MYLK: variants seen among roughly 807,000 people sequenced by gnomAD.
MYLK encodes the protein myosin light chain kinase, smooth muscle.
A neutral mutation model predicts 203.4 loss-of-function variants in MYLK; 106 were observed. The observed-to-expected ratio is 0.52, with a 90% CI of 0.45 to 0.61. The LOEUF is 0.61. Among genes scored for constraint, MYLK ranks in the 20% least tolerant of loss-of-function variants. MYLK has a pLI of 0.00. For missense variants in MYLK, 2,072 were observed against 2,442.3 expected (o/e 0.85, Z 3.20); for synonymous variants, 867 against 959.5 (o/e 0.90, Z 1.78).
intron 3 of MYLK, among the ~76,000 whole-genome samples, chr3:123,799,106 A>G (rs2065097935): frequency 6.6e-6 from 1 of 152,148 alleles, no homozygotes; most frequent in African/African-American, 2.4e-5. Context: ...AAACACAGAG[A>G]AGTAAGAAGA....
Position 123,761,508 on chromosome 3 carries a change from G to A in MYLK, c.166-8970C>T, listed in dbSNP as rs117053785. ...CACCTGTATCCATGTGGCCAGGAGA[G>A]CATCTCTTTGACTCTGCTGGAAAAT... On this transcript the variant is annotated intron_variant, in intron 4 of 33. Coordinates refer to ENST00000360304, the MANE Select transcript of MYLK (RefSeq NM_053025.4). Among the ~76,000 whole-genome samples, 139 of 152,292 alleles carry A rather than the reference G, an allele frequency of 9.1e-4. No individual in the cohort carries two copies. In the East Asian group the frequency reaches 0.016, roughly 17 times the overall value.
At chr3:123,712,328 A>G (rs965958901) in intron 13 of MYLK, among the ~76,000 whole-genome samples, 21 of 152,252 alleles carry the variant, frequency 1.4e-4, no homozygotes, top group African/African-American at 4.8e-4. Flanking sequence ...GAGAAGGCTC[A>G]AGGACAAAAT....
At chr3:123,666,027 T>C (rs1027314757) in intron 22 of MYLK, among the ~76,000 whole-genome samples, 192 bp downstream of exon 22, 3 of 152,208 alleles carry the variant, frequency 2.0e-5, no homozygotes, top group African/African-American at 7.2e-5. Context: ...GGATTATTGG[T>C]AGATTCAGAA....
intron 16 of MYLK, among the ~76,000 whole-genome samples, chr3:123,704,311 T>C (rs2061365831): frequency 6.6e-6 from 1 of 152,236 alleles, no homozygotes; most frequent in Non-Finnish European, 1.5e-5. Context: ...GCCTCCTGCC[T>C]GGGACCCACA....
rs190561798 is a variant in MYLK at position 123,706,651 on chromosome 3, A to T, written c.2390+1103T>A. ...AGACAGGGCATTTTCAAGGTAAAAG[A>T]GCATTTCTGAATCACATTCATCTAA... is the stretch of plus-strand genomic sequence containing the variant. On this transcript the variant is annotated intron_variant, in intron 16 of 33. Coordinates refer to ENST00000360304, the MANE Select transcript of MYLK (RefSeq NM_053025.4). 1.1e-4 allele frequency among the ~76,000 whole-genome samples: 17 copies of T among 152,294 alleles called. No individual in the cohort carries two copies. In the East Asian group the frequency reaches 3.3e-3, roughly 29 times the overall value.
chr3:123,863,556 A>C (rs1288210935), intron 2 of MYLK, among the ~76,000 whole-genome samples: 1 of 152,176 alleles, frequency 6.6e-6, no homozygotes, highest in African/African-American at 2.4e-5. Context: ...TACTTGAATA[A>C]TATTTCAAAA....
chr3:123,640,414 C>A lies in MYLK; in HGVS notation c.4710G>T (p.Ser1570=). The A allele has an allele frequency of 1.2e-6, 2 of 1,614,058 alleles. No homozygotes were observed. The highest frequency in any genetic ancestry group is 2.7e-5 in the African/African-American group (2 of 74,994). The part of the protein sequence containing the change: ...RECIKYMRQI[S]EGVEYIHKQG... ...GCTTGTGGATGTACTCCACTCCCTCCGAGATCTGCCGCATGTACTTGATGC... is the reference window on the plus strand; with the variant it reads ...GCTTGTGGATGTACTCCACTCCCTCAGAGATCTGCCGCATGTACTTGATGC... The change falls in exon 28 of 34, where the codon TCG becomes TCT. Residue 1570 remains serine, a synonymous_variant. Transcript: ENST00000360304. The surrounding 1 kb of genome is among the most constrained non-coding windows in gnomAD (Gnocchi z 4.3).
At chr3:123,791,416 G>A (rs1042109530) in intron 4 of MYLK, among the ~76,000 whole-genome samples, 1 of 152,168 alleles carries the variant, frequency 6.6e-6, no homozygotes, top group African/African-American at 2.4e-5. Context: ...CATGTGATGT[G>A]GCCCTTCCCT....
intron 16 of MYLK, among the ~76,000 whole-genome samples, chr3:123,707,199 T>G (rs2061494740): frequency 6.6e-6 from 1 of 152,110 alleles, no homozygotes; most frequent in Non-Finnish European, 1.5e-5. Flanking sequence ...GCCTCCCACC[T>G]ACAACCAGTG....
intron 24 of MYLK, among the ~76,000 whole-genome samples, chr3:123,651,292 C>T (rs73860109): frequency 0.038 from 5,749 of 152,138 alleles, 340 homozygotes; most frequent in African/African-American, 0.13. Context: ...GGAACTCACA[C>T]ATGAGAAGTA....
intron 5 of MYLK, among the ~76,000 whole-genome samples, chr3:123,750,363 G>A (rs1294963657): frequency 2.0e-5 from 3 of 152,150 alleles, no homozygotes; most frequent in Non-Finnish European, 4.4e-5. Context: ...ACAGCCCTCA[G>A]CCTGATTTCC....
Position 123,726,081 on chromosome 3 carries a change from G to A in MYLK, c.1517-3C>T, listed in dbSNP as rs781210559. On this transcript the variant is annotated splice_polypyrimidine_tract_variant and splice_region_variant and intron_variant, in intron 11 of 33. Coordinates refer to ENST00000360304, the MANE Select transcript of MYLK (RefSeq NM_053025.4). ...GGCCACCTCCATCACGGCAAGCCCT[G>A]TGAGGGAAAAGGACAGGTCAGCTCA... 1.9e-6 allele frequency: 3 copies of A among 1,614,010 alleles called. No individual in the cohort carries two copies. Among genetic ancestry groups the A allele is most frequent in the Non-Finnish European group, 2.5e-6 (3 of 1,180,018 alleles).
chr3:123,862,022 G>C (rs1236487201), intron 2 of MYLK, among the ~76,000 whole-genome samples: 3 of 152,222 alleles, frequency 2.0e-5, no homozygotes, highest in African/African-American at 4.8e-5. Flanking sequence ...CCACTCCAGA[G>C]CTCCAGGCCC....
chr3:123,841,742 G>C (rs2066596630), intron 2 of MYLK, among the ~76,000 whole-genome samples: 1 of 151,976 alleles, frequency 6.6e-6, no homozygotes, highest in Non-Finnish European at 1.5e-5. Flanking sequence ...AATCAATCCA[G>C]TTCTTTTATA....
intron 2 of MYLK, among the ~76,000 whole-genome samples, chr3:123,836,157 C>T (rs2066470473): frequency 6.6e-6 from 1 of 152,200 alleles, no homozygotes; most frequent in Non-Finnish European, 1.5e-5. Context: ...TTATGTGCCT[C>T]TTCTACTATT....
chr3:123,621,902 A>G lies in MYLK; in HGVS notation c.5239-1566T>C, dbSNP rs567856333. 8 of 152,388 alleles carry G rather than the reference A, an allele frequency of 5.2e-5. No homozygotes were observed. The East Asian group carries it at 1.5e-3, about 29-fold the overall frequency. 9.4% of individuals were successfully genotyped at this position (152,388 alleles called of 1,614,324 possible). On this transcript the variant is annotated intron_variant, in intron 31 of 33. Transcript: ENST00000360304. ...GAAGATGGTGAGAGATGAAAACTGA[A>G]CAACTTAACTGTGCGCAGAACCACC... is the stretch of plus-strand genomic sequence containing the variant.
intron 4 of MYLK, among the ~76,000 whole-genome samples, chr3:123,757,135 T>C (rs1166278460): frequency 6.6e-6 from 1 of 152,150 alleles, no homozygotes; most frequent in African/African-American, 2.4e-5. Context: ...TGCCTTGAGA[T>C]TTACTTAATG....
chr3:123,618,332 C>T (rs943620689), intron 33 of MYLK: 3 of 381,374 alleles, frequency 7.9e-6, no homozygotes. Flanking sequence ...TTTCACTAAG[C>T]ATGTTCCAAA....
chr3:123,848,929 C>T (rs576164076), intron 2 of MYLK, among the ~76,000 whole-genome samples: 1 of 152,200 alleles, frequency 6.6e-6, no homozygotes, highest in African/African-American at 2.4e-5. Flanking sequence ...TAAATATAGC[C>T]AAATAAAATT....
Sources: gnomAD v4.1 joint callset for allele counts (sites outside exome capture counted in the v4.1 genomes callset) on GRCh38, gnomAD v4.1.1 for gene constraint, Gnocchi (gnomAD v3.1) non-coding constraint, MANE v1.5 for transcripts, NCBI Gene and HGNC (gene_info 2026-07-23, HGNC 2026-07-21) for gene names.